SAMD4B: variants seen among roughly 807,000 people sequenced by gnomAD.
SAMD4B encodes the protein sterile alpha motif domain containing 4B, also known as protein Smaug homolog 2.
A neutral mutation model predicts 74.5 loss-of-function variants in SAMD4B; 5 were observed. That is an observed-to-expected ratio of 0.07 (90% confidence interval 0.04 to 0.14). The LOEUF is 0.14. Among genes scored for constraint, SAMD4B ranks in the 10% least tolerant of loss-of-function variants. The probability of loss-of-function intolerance (pLI) is 1.00; values close to 1 mark genes in which losing one functional copy is unlikely to be tolerated. For missense variants in SAMD4B, 608 were observed against 921.8 expected, an observed-to-expected ratio of 0.66 and a Z score of 4.41; for synonymous variants, 373 against 374.9, an observed-to-expected ratio of 1.00 and a Z score of 0.06.
At position 39,356,698 on chromosome 19, in the gene SAMD4B, G is replaced by C. The variant is rs2076361215; in HGVS notation, c.-196G>C. The C allele has an allele frequency of 2.0e-6, 1 of 499,132 alleles. No homozygotes were observed. Among genetic ancestry groups the C allele is most frequent in the Non-Finnish European group, 3.6e-6 (1 of 280,696 alleles). The allele number at this position is 499,132 out of a possible 1,614,324, so 30.9% of individuals were successfully genotyped here. A position where few individuals can be genotyped will look rare whatever the true frequency, so the allele number is the denominator to read the frequency against. ...TTGCTTCCTTTTTCAGGAAACTGGA[G>C]AGGCGTGGCTGGACCAAGACCTCCC... On this transcript the variant is annotated 5_prime_UTR_variant, in exon 3 of 14. Coordinates refer to ENST00000610417, the MANE Select transcript of SAMD4B (RefSeq NM_001384574.2).
chr19:39,375,753 G>A lies in SAMD4B; in HGVS notation c.771G>A (p.Gly257=), dbSNP rs764996931. The change falls in exon 5 of 14, where the codon GGG becomes GGA. Residue 257 remains glycine, a synonymous_variant. Transcript: ENST00000610417. This position sits in a 1 kb window ranked among gnomAD's most constrained non-coding sequence, Gnocchi z 4.1. ...AGTGGCCGAGTCCAGAGGAGCTTGG[G>A]GCCCGGGCTGCTTTTACCACGCCCG... ...PGEWPSPEEL[G]ARAAFTTPDH... is the part of the protein sequence containing the mutation. 6.2e-7 allele frequency: 1 copy of A among 1,614,138 alleles called. No individual in the cohort carries two copies. Among genetic ancestry groups the A allele is most frequent in the South Asian group, 1.1e-5 (1 of 91,080 alleles).
intron 12 of SAMD4B, among the ~76,000 whole-genome samples, chr19:39,382,720 G>T (rs970115348): frequency 1.8e-4 from 28 of 152,176 alleles, no homozygotes; most frequent in African/African-American, 6.5e-4. Context: ...CATGGTGGTT[G>T]TCCTACTTTG....
chr19:39,348,228 T>A (rs920357569), intron 1 of SAMD4B: 1 of 152,238 alleles, frequency 6.6e-6, no homozygotes, highest in South Asian at 2.1e-4. Context: ...ATGCTAGGAA[T>A]TGGAGATGTA....
In SAMD4B at chr19:39,370,033, A is replaced by G. The variant is rs781488581; in HGVS notation, c.575A>G (p.Asp192Gly). The change falls in exon 4 of 14, where the codon GAC (aspartate) becomes GGC (glycine). Residue 192 changes from aspartate to glycine, a missense_variant. By Grantham distance (94) the Asp-to-Gly change is moderately conservative. Transcript: ENST00000610417. ...GGGGAGGCAGGGCCAGGCTGGCAGG[A>G]CAAGCCACCCCGGGAAAATGGACAC... ...GPGEAGPGWQ[D>G]KPPRENGHVP... 6.2e-7 allele frequency: 1 copy of G among 1,612,050 alleles called. No individual in the cohort carries two copies. The highest frequency in any genetic ancestry group is 8.5e-7 in the Non-Finnish European group (1 of 1,179,218).
chr19:39,369,031 A>G (rs1396568936), intron 3 of SAMD4B: 1 of 152,970 alleles, frequency 6.5e-6, no homozygotes, highest in African/African-American at 2.4e-5. Context: ...GAGATAAAGC[A>G]TGAGAGCAGG....
intron 2 of SAMD4B, among the ~76,000 whole-genome samples, chr19:39,355,746 G>A (rs770609318): frequency 2.0e-5 from 3 of 152,172 alleles, no homozygotes; most frequent in Non-Finnish European, 2.9e-5. Flanking sequence ...TTTAGTTCCT[G>A]CCTAAGAGGG....
Position 39,383,698 on chromosome 19 carries a change from T to C in SAMD4B, c.*171T>C. The C allele has an allele frequency of 5.2e-6, 8 of 1,542,786 alleles. No homozygotes were observed. In the African/African-American group the frequency reaches 5.5e-5, roughly 11 times the overall value. On this transcript the variant is annotated 3_prime_UTR_variant, in exon 14 of 14. Transcript: ENST00000610417. This position sits in a 1 kb window ranked among gnomAD's most constrained non-coding sequence, Gnocchi z 4.1. Reference sequence around the variant, plus strand: ...TGTTTAACATTGGCACATGCCTTGCTCACTCCCAGGCCCGTCGAGGGATCT... The same window carrying C: ...TGTTTAACATTGGCACATGCCTTGCCCACTCCCAGGCCCGTCGAGGGATCT...
chr19:39,348,524 G>A (rs1188447730), intron 1 of SAMD4B: 1 of 152,242 alleles, frequency 6.6e-6, no homozygotes, highest in Non-Finnish European at 1.5e-5. Context: ...TGTGGCTAAA[G>A]CCTAAGTGAG....
chr19:39,379,398 C>T (rs1326758726), intron 9 of SAMD4B, among the ~76,000 whole-genome samples: 2 of 152,114 alleles, frequency 1.3e-5, no homozygotes, highest in Non-Finnish European at 2.9e-5. Context: ...CTTTACCAAC[C>T]CCTCATTTTT....
Position 39,369,771 on chromosome 19 carries a change from C to A in SAMD4B, c.313C>A (p.Leu105Met), listed in dbSNP as rs772570388. The A allele has an allele frequency of 1.2e-6, 2 of 1,614,244 alleles. No homozygotes were observed. The highest frequency in any genetic ancestry group is 2.2e-5 in the South Asian group (2 of 91,092). Reference protein sequence around the residue: ...TEAKSEYMRLLQKVLAYSIES... With the variant: ...TEAKSEYMRLMQKVLAYSIES... ...GGCCAAGTCGGAGTACATGAGGCTA[C>A]TGCAGAAAGTGCTGGCCTACTCAAT... The change falls in exon 4 of 14, where the codon CTG (leucine) becomes ATG (methionine). Residue 105 changes from leucine to methionine, a missense_variant. Transcript: ENST00000610417.
chr19:39,347,424 G>C (rs867789004), intron 1 of SAMD4B, among the ~76,000 whole-genome samples: 3 of 152,218 alleles, frequency 2.0e-5, no homozygotes, highest in African/African-American at 4.8e-5. Context: ...AAATAGGCCT[G>C]TGATTCCATC....
At position 39,375,253 on chromosome 19, in the gene SAMD4B, G is replaced by A. The variant is rs1000880167; in HGVS notation, c.668-397G>A. ...TTGTATTTTGTTCCCACTATGAAAG[G>A]AAGTCACAGGGATTTGAGCAGGAGT... On this transcript the variant is annotated intron_variant, in intron 4 of 13. Coordinates refer to ENST00000610417, the MANE Select transcript of SAMD4B (RefSeq NM_001384574.2). The surrounding 1 kb of genome is among the most constrained non-coding windows in gnomAD (Gnocchi z 4.1). 6.2e-4 allele frequency among the ~76,000 whole-genome samples: 94 copies of A among 152,310 alleles called. No homozygotes were observed. The highest frequency in any genetic ancestry group is 2.2e-3 in the African/African-American group (90 of 41,570).
In SAMD4B at chr19:39,378,569, G is replaced by C. The variant is rs1318022896; in HGVS notation, c.1510G>C (p.Glu504Gln). 3 of 1,613,944 alleles carry C rather than the reference G, an allele frequency of 1.9e-6. No individual in the cohort carries two copies. The highest frequency in any genetic ancestry group is 2.5e-6 in the Non-Finnish European group (3 of 1,179,912). ...ENITSYLQLI[E>Q]KCLTHEAFTE... ...CATCACCAGTTACCTCCAGCTCATC[G>C]AAAAGTGCCTGACTCATGAGGTAAG... Residue 504 changes from glutamate to glutamine, a missense_variant, in exon 9 of 14, where the codon GAA becomes CAA. This residue lies in a region of SAMD4B where 27 missense variants were observed against 48.6 expected (regional missense o/e 0.56). Transcript: ENST00000610417. The surrounding 1 kb of genome is among the most constrained non-coding windows in gnomAD (Gnocchi z 4.4).
Position 39,375,602 on chromosome 19 carries a change from G to A in SAMD4B, c.668-48G>A. The A allele has an allele frequency of 6.3e-7, 1 of 1,577,410 alleles. No homozygotes were observed. Among genetic ancestry groups the A allele is most frequent in the Non-Finnish European group, 8.7e-7 (1 of 1,153,888 alleles). On this transcript the variant is annotated intron_variant, in intron 4 of 13. Coordinates refer to ENST00000610417, the MANE Select transcript of SAMD4B (RefSeq NM_001384574.2). This position sits in a 1 kb window ranked among gnomAD's most constrained non-coding sequence, Gnocchi z 4.1. ...TGACGGCAGGGGGATGGTCTCCTGTGGTTGGGTCCCCAGGTCTAATATTTT... is the reference window on the plus strand; with the variant it reads ...TGACGGCAGGGGGATGGTCTCCTGTAGTTGGGTCCCCAGGTCTAATATTTT...
At chr19:39,379,278 A>G (rs2077803481) in intron 9 of SAMD4B, among the ~76,000 whole-genome samples, 1 of 152,144 alleles carries the variant, frequency 6.6e-6, no homozygotes, top group South Asian at 2.1e-4. Context: ...CTGGGATTAT[A>G]GGCATGAGCA....
intron 12 of SAMD4B, among the ~76,000 whole-genome samples, chr19:39,382,424 A>G (rs985093407): frequency 1.2e-4 from 18 of 152,184 alleles, no homozygotes; most frequent in African/African-American, 4.1e-4. Flanking sequence ...GGTCTTGCCC[A>G]AGTTCAAAAA....
intron 3 of SAMD4B, among the ~76,000 whole-genome samples, chr19:39,362,477 AT>A (rs1370815231): frequency 6.6e-6 from 1 of 152,166 alleles, no homozygotes; most frequent in Non-Finnish European, 1.5e-5. Flanking sequence ...CATCAGTTTC[AT>A]GGAAGTAGGA....
At chr19:39,352,431 A>G (rs1215702439) in intron 1 of SAMD4B, 1 of 150,966 alleles carries the variant, frequency 6.6e-6, no homozygotes, top group East Asian at 1.9e-4. Flanking sequence ...CGTTTCCCAC[A>G]TTTGAAAATA....
chr19:39,383,455 C>T lies in SAMD4B; in HGVS notation c.2057-44C>T, dbSNP rs757799226. 1 of 1,608,666 alleles carries T rather than the reference C, an allele frequency of 6.2e-7. No individual in the cohort carries two copies. The highest frequency in any genetic ancestry group is 1.1e-5 in the South Asian group (1 of 90,974). On this transcript the variant is annotated intron_variant, in intron 13 of 13. Transcript: ENST00000610417. This position sits in a 1 kb window ranked among gnomAD's most constrained non-coding sequence, Gnocchi z 4.1. The stretch of plus-strand genomic sequence containing the variant: ...CCTGAGTGCCTTTTCTTGGGCCTCC[C>T]TCCAGCTCCTGATCTTCCTCCCTTC...
Sources: gnomAD v4.1 joint callset for allele counts (sites outside exome capture counted in the v4.1 genomes callset) on GRCh38, gnomAD v4.1.1 for gene constraint, gnomAD v4.1.1 regional missense constraint, Gnocchi (gnomAD v3.1) non-coding constraint, MANE v1.5 for transcripts, NCBI Gene and HGNC (gene_info 2026-07-23, HGNC 2026-07-21) for gene names.